The following GULP1 variants were observed in gnomAD, a reference collection of about 807,000 sequenced individuals.
GULP1 encodes PTB domain-containing engulfment adapter protein 1.
GULP1 carries 19 observed loss-of-function variants against 40.9 expected under a neutral mutation model. The observed-to-expected ratio is 0.46, with a 90% confidence interval of 0.32 to 0.68. The LOEUF (loss-of-function observed/expected upper bound fraction) is 0.68. Ranked by LOEUF, GULP1 falls within the 30% of genes least tolerant of loss-of-function variation. The pLI is 0.03. For synonymous variants in GULP1, 119 were observed against 117.6 expected (o/e 1.01, Z -0.08); for missense variants, 312 against 362.2 (o/e 0.86, Z 1.12).
At chr2:188,419,472 A>G (rs928181629) in intron 2 of GULP1, among the ~76,000 whole-genome samples, 15 of 150,316 alleles carry the variant, frequency 1.0e-4, no homozygotes, top group African/African-American at 3.4e-4. Flanking sequence ...GAACCTTTTC[A>G]TGTTCCTGTT....
intron 5 of GULP1, among the ~76,000 whole-genome samples, chr2:188,523,152 C>A (rs1277746499): frequency 3.3e-5 from 5 of 152,192 alleles, no homozygotes; most frequent in South Asian, 4.1e-4. Context: ...ACCTATGTCC[C>A]AAATCAAAAG....
At chr2:188,420,735 TG>T (rs2055283747) in intron 2 of GULP1, among the ~76,000 whole-genome samples, 1 of 152,168 alleles carries the variant, frequency 6.6e-6, no homozygotes, top group African/African-American at 2.4e-5. Context: ...GATTGGTTTA[TG>T]GGTGGGCTGG....
At chr2:188,436,718 A>G (rs758846804) in intron 2 of GULP1, among the ~76,000 whole-genome samples, 3 of 152,106 alleles carry the variant, frequency 2.0e-5, no homozygotes, top group Non-Finnish European at 4.4e-5. Context: ...CAGGTAGTTT[A>G]TACATATAGT....
chr2:188,463,701 C>A (rs1354593090), intron 2 of GULP1, among the ~76,000 whole-genome samples: 1 of 149,926 alleles, frequency 6.7e-6, no homozygotes, highest in African/African-American at 2.5e-5. Context: ...TTTTTTTCTT[C>A]GTTTTTCTCC....
chr2:188,420,002 A>G (rs1174503317), intron 2 of GULP1, among the ~76,000 whole-genome samples: 1 of 152,092 alleles, frequency 6.6e-6, no homozygotes, highest in Admixed American at 6.6e-5. Context: ...TCAATTGACT[A>G]TATTTGTATG....
At chr2:188,302,582 C>T (rs755867185) in intron 1 of GULP1, among the ~76,000 whole-genome samples, 9 of 152,120 alleles carry the variant, frequency 5.9e-5, no homozygotes, top group Non-Finnish European at 1.0e-4. Context: ...TATAGTTCCA[C>T]TCACAGAGGT....
intron 2 of GULP1, among the ~76,000 whole-genome samples, chr2:188,439,539 T>C (rs1291662584): frequency 6.6e-6 from 1 of 152,086 alleles, no homozygotes; most frequent in Non-Finnish European, 1.5e-5. Flanking sequence ...ATGTGAGATG[T>C]GAGAAAAAGA....
chr2:188,491,374 TAAAAG>T (rs1287697872), intron 4 of GULP1: 1 of 152,102 alleles, frequency 6.6e-6, no homozygotes, highest in Non-Finnish European at 1.5e-5. Context: ...AAAATCAGCA[TAAAAG>T]AAAATTAGCA....
chr2:188,507,370 G>T lies in GULP1; in HGVS notation c.91-15386G>T, dbSNP rs527776127. 2.0e-5 allele frequency among the ~76,000 whole-genome samples: 3 copies of T among 149,348 alleles called. No homozygotes were observed. The Admixed American group carries it at 2.0e-4, about 10-fold the overall frequency. Reference sequence around the variant, plus strand: ...ATATTCACTAAACGAGTGTGTTTCTGGAGCAAAGAGAATACCATTTGTTTT... The same window carrying T: ...ATATTCACTAAACGAGTGTGTTTCTTGAGCAAAGAGAATACCATTTGTTTT... On this transcript the variant is annotated intron_variant, in intron 4 of 11. Transcript: ENST00000409830.
intron 7 of GULP1, among the ~76,000 whole-genome samples, chr2:188,549,747 G>A (rs534706521): frequency 1.6e-4 from 24 of 151,662 alleles, no homozygotes; most frequent in Non-Finnish European, 3.1e-4. Flanking sequence ...ATGTGTGAAG[G>A]GACATTACTT....
chr2:188,562,139 A>G (rs893000945), intron 7 of GULP1, among the ~76,000 whole-genome samples: 1 of 152,172 alleles, frequency 6.6e-6, no homozygotes, highest in Non-Finnish European at 1.5e-5. Flanking sequence ...TCAAACTGGC[A>G]TCTTGCTGTA....
intron 4 of GULP1, among the ~76,000 whole-genome samples, chr2:188,508,308 A>G (rs1488370362): frequency 2.0e-5 from 3 of 152,084 alleles, no homozygotes; most frequent in Non-Finnish European, 4.4e-5. Flanking sequence ...AAAAACAGGG[A>G]TTTAAAAAGT....
At chr2:188,543,263 A>G (rs1691018603) in intron 7 of GULP1, among the ~76,000 whole-genome samples, 1 of 152,176 alleles carries the variant, frequency 6.6e-6, no homozygotes, top group African/African-American at 2.4e-5. Flanking sequence ...TCATTAATGT[A>G]CATAAAAATC....
intron 1 of GULP1, among the ~76,000 whole-genome samples, chr2:188,307,017 G>A (rs1317414891): frequency 2.6e-5 from 4 of 152,100 alleles, no homozygotes; most frequent in Non-Finnish European, 5.9e-5. Flanking sequence ...TAAGTTTTCT[G>A]GTTTTGGTAA....
chr2:188,327,706 G>C lies in GULP1; in HGVS notation c.-172+35540G>C, dbSNP rs534579868. 2.0e-4 allele frequency among the ~76,000 whole-genome samples: 31 copies of C among 152,190 alleles called. No homozygotes were observed. The South Asian group carries it at 2.5e-3, about 12-fold the overall frequency. On this transcript the variant is annotated intron_variant, in intron 1 of 11. Coordinates refer to ENST00000409830, the MANE Select transcript of GULP1 (RefSeq NM_016315.4). Reference sequence around the variant, plus strand: ...TTAGTGTAAAAAATGGTGTTAGAGTGGACATGGACAATTTTGAATTCTGGC... The same window carrying C: ...TTAGTGTAAAAAATGGTGTTAGAGTCGACATGGACAATTTTGAATTCTGGC...
intron 4 of GULP1, among the ~76,000 whole-genome samples, chr2:188,498,561 C>T (rs1162174895): frequency 6.6e-6 from 1 of 151,816 alleles, no homozygotes; most frequent in Non-Finnish European, 1.5e-5. Flanking sequence ...TAAAATGTTT[C>T]ATGCTGTGCA....
chr2:188,565,120 T>A (rs531129670), intron 7 of GULP1, among the ~76,000 whole-genome samples: 15 of 152,058 alleles, frequency 9.9e-5, no homozygotes, highest in Middle Eastern at 3.4e-3. Flanking sequence ...ACATAGAATG[T>A]CATTATGAAC....
At chr2:188,502,542 C>T (rs2063531387) in intron 4 of GULP1, among the ~76,000 whole-genome samples, 1 of 151,662 alleles carries the variant, frequency 6.6e-6, no homozygotes, top group Non-Finnish European at 1.5e-5. Context: ...GTCTATAAAC[C>T]TATGGATTGA....
chr2:188,450,809 C>G (rs1296911860), intron 2 of GULP1, among the ~76,000 whole-genome samples: 1 of 152,102 alleles, frequency 6.6e-6, no homozygotes, highest in Non-Finnish European at 1.5e-5. Flanking sequence ...CCCACAGAAG[C>G]AAGAGTAGGA....
Sources: allele counts gnomAD v4.1 joint callset (sites outside exome capture counted in the v4.1 genomes callset), GRCh38; gene constraint gnomAD v4.1.1; transcripts MANE v1.5; gene names NCBI Gene and HGNC (gene_info 2026-07-23, HGNC 2026-07-21).